The following SPTA1 variants were observed in gnomAD, a reference collection of about 807,000 sequenced individuals.
The protein encoded by SPTA1 is spectrin alpha, erythrocytic 1.
Under a neutral mutation model 324.7 loss-of-function variants are expected in SPTA1, and 177 were observed. The observed-to-expected ratio is 0.55, with a 90% CI of 0.48 to 0.62. The LOEUF (loss-of-function observed/expected upper bound fraction) is 0.62, where lower values mean the gene tolerates loss of function less well. Ranked by LOEUF, SPTA1 falls within the 20% of genes least tolerant of loss-of-function variation. The pLI is 0.00. For synonymous variants in SPTA1, 1,195 were observed against 1,041.3 expected, an observed-to-expected ratio of 1.15 and a Z score of -2.84; for missense variants, 3,162 against 2,883.6, an observed-to-expected ratio of 1.10 and a Z score of -2.21.
chr1:158,612,721 AG>A, intron 51 of SPTA1, 95 bp downstream of exon 51: 1 of 1,404,622 alleles, frequency 7.1e-7, no homozygotes. Flanking sequence ...AAAAAAAACA[AG>A]TGGGTGGGTT....
intron 3 of SPTA1, 133 bp from the exon 4 acceptor site, chr1:158,681,800 T>C: frequency 1.7e-6 from 2 of 1,164,140 alleles, no homozygotes; most frequent in East Asian, 2.5e-5. Context: ...TCAACAAACA[T>C]TTAAAAGAGG....
intron 50 of SPTA1, 40 bp downstream of exon 50, chr1:158,613,681 C>T: frequency 6.2e-7 from 1 of 1,613,092 alleles, no homozygotes; most frequent in Non-Finnish European, 8.5e-7. Context: ...CCTCCAAACC[C>T]CCATCCCTGC....
At chr1:158,670,480 T>C (rs1481995090) in intron 12 of SPTA1, among the ~76,000 whole-genome samples, 1 of 152,248 alleles carries the variant, frequency 6.6e-6, no homozygotes, top group Non-Finnish European at 1.5e-5. Context: ...CTTCCACCTC[T>C]TCACCATATT....
intron 16 of SPTA1, among the ~76,000 whole-genome samples, chr1:158,665,292 C>T (rs1201019403): frequency 6.6e-6 from 1 of 152,154 alleles, no homozygotes; most frequent in East Asian, 1.9e-4. Context: ...TTTCCTACTC[C>T]AGTCTTTTAC....
intron 14 of SPTA1, 46 bp downstream of exon 14, chr1:158,669,362 A>G: frequency 6.2e-7 from 1 of 1,612,948 alleles, no homozygotes; most frequent in Non-Finnish European, 8.5e-7. Context: ...CTTCCAATGA[A>G]AGGAACTCCT....
intron 2 of SPTA1, 56 bp from the exon 3 acceptor site, chr1:158,683,552 G>A (rs1654959627): frequency 2.2e-5 from 35 of 1,607,906 alleles, no homozygotes; most frequent in Non-Finnish European, 2.8e-5. Context: ...CATGGGAAAT[G>A]TTCACTCTAT....
chr1:158,664,682 A>G (rs964495931), intron 16 of SPTA1, among the ~76,000 whole-genome samples: 2 of 152,190 alleles, frequency 1.3e-5, no homozygotes, highest in African/African-American at 2.4e-5. Context: ...AAAACCAAAA[A>G]TCAGATAACT....
At chr1:158,611,417 A>T in intron 51 of SPTA1, 28 bp from the exon 52 acceptor site, 1 of 1,612,530 alleles carries the variant, frequency 6.2e-7, no homozygotes, top group Non-Finnish European at 8.5e-7. Flanking sequence ...AGAAAAATAC[A>T]GTTATAGGGA....
chr1:158,639,352 G>T, intron 35 of SPTA1: 1 of 570,720 alleles, frequency 1.8e-6, no homozygotes, highest in South Asian at 2.1e-5. Context: ...AGTTTCCCAG[G>T]TCCACTTTCT....
intron 19 of SPTA1, 129 bp downstream of exon 19, chr1:158,657,348 G>A: frequency 1.1e-6 from 1 of 937,888 alleles, no homozygotes; most frequent in Non-Finnish European, 1.7e-6. Context: ...AAGGCCAACG[G>A]CGACCACTCT....
chr1:158,674,788 T>A, intron 8 of SPTA1, 113 bp from the exon 9 acceptor site: 5 of 1,402,898 alleles, frequency 3.6e-6, no homozygotes, highest in Non-Finnish European at 5.0e-6. Flanking sequence ...CTTACTCTAA[T>A]CCTAGGTTCC....
intron 22 of SPTA1, 25 bp from the exon 23 acceptor site, chr1:158,652,678 G>T (rs374333834): frequency 2.5e-6 from 4 of 1,613,296 alleles, no homozygotes; most frequent in Non-Finnish European, 3.4e-6. Context: ...GGGAAAAGTG[G>T]AATAAAAGAA....
chr1:158,650,102 T>C (rs988361870), intron 24 of SPTA1, among the ~76,000 whole-genome samples, 155 bp from the exon 25 acceptor site: 7 of 152,240 alleles, frequency 4.6e-5, no homozygotes, highest in African/African-American at 1.4e-4. Flanking sequence ...AGCTTGAGCT[T>C]GGGCCTCATT....
chr1:158,642,643 C>T, intron 32 of SPTA1, 101 bp from the exon 33 acceptor site: 2 of 1,579,356 alleles, frequency 1.3e-6, no homozygotes, highest in East Asian at 2.3e-5. Flanking sequence ...TCTATCATAA[C>T]TGAGGTGACG....
At chr1:158,663,710 C>T (rs2021659) in intron 16 of SPTA1, among the ~76,000 whole-genome samples, 2,223 of 152,126 alleles carry the variant, frequency 0.015, 54 homozygotes, top group African/African-American at 0.051. Flanking sequence ...GGCACATAAG[C>T]AAGTGAGAGG....
At chr1:158,618,426 A>T (rs940742909) in intron 45 of SPTA1, among the ~76,000 whole-genome samples, 2 of 152,184 alleles carry the variant, frequency 1.3e-5, no homozygotes, top group Non-Finnish European at 2.9e-5. Context: ...TTGTTCATTT[A>T]TCGTTGTCAG....
intron 42 of SPTA1, among the ~76,000 whole-genome samples, chr1:158,625,641 A>T (rs1163837293): frequency 1.3e-5 from 2 of 151,920 alleles, no homozygotes; most frequent in Non-Finnish European, 2.9e-5. Flanking sequence ...TAATAAAAAG[A>T]TAATAGAATA....
chr1:158,681,601 G>T lies in SPTA1; in HGVS notation c.457C>A (p.Gln153Lys), dbSNP rs765862696. The T allele has an allele frequency of 5.6e-6, 9 of 1,613,766 alleles. No homozygotes were observed. The South Asian group carries it at 7.7e-5, about 14-fold the overall frequency. Residue 153 changes from glutamine (Q) to lysine (K), a missense_variant, in exon 4 of 52, where the codon CAG (glutamine) becomes AAG (lysine). Coordinates refer to ENST00000643759, the MANE Select transcript of SPTA1 (RefSeq NM_003126.4). Reference protein sequence around the residue: ...LLELTLEKGDQLLRALKFQQY... With the variant: ...LLELTLEKGDKLLRALKFQQY... ...TGGAACTTCAGGGCCCGCAGCAACT[G>T]GTCACCCTTCTCCAGGGTCAGCTCT... is the stretch of plus-strand genomic sequence containing the variant.
chr1:158,638,341 G>A, intron 35 of SPTA1, 100 bp from the exon 36 acceptor site: 2 of 1,194,404 alleles, frequency 1.7e-6, no homozygotes, highest in South Asian at 1.3e-5. Context: ...TGGGCCAAAT[G>A]GATTGCTTTT....
Sources: gnomAD v4.1 joint callset for allele counts (sites outside exome capture counted in the v4.1 genomes callset) on GRCh38, gnomAD v4.1.1 for gene constraint, MANE v1.5 for transcripts, NCBI Gene and HGNC (gene_info 2026-07-23, HGNC 2026-07-21) for gene names.